The following FLNA variants were observed in gnomAD, a reference collection of about 807,000 sequenced individuals.
FLNA encodes filamin A.
FLNA carries 7 observed loss-of-function variants against 157.6 expected under a neutral mutation model. That is an observed-to-expected ratio of 0.04 (90% CI 0.03 to 0.08). FLNA has a LOEUF of 0.08. FLNA is among the 10% of genes least tolerant of loss of function. The probability of loss-of-function intolerance (pLI) is 1.00; values close to 1 mark genes in which losing one functional copy is unlikely to be tolerated. For synonymous variants in FLNA, 1,103 were observed against 1,060.8 expected, an observed-to-expected ratio of 1.04 and a Z score of -0.77; for missense variants, 1,750 against 2,398.4, an observed-to-expected ratio of 0.73 and a Z score of 5.65.
intron 9 of FLNA, among the ~76,000 whole-genome samples, 196 bp downstream of exon 9, chrX:154,365,828 G>A (rs1458692343): frequency 1.8e-5 from 2 of 112,396 alleles, no homozygotes; most frequent in South Asian, 3.7e-4. Context: ...CGTGAGGAGA[G>A]AGATGGAGAG....
rs2067738118 is a variant in FLNA at position 154,364,289 on chromosome X, A to G, written c.2106T>C (p.Gly702=). Residue 702 remains glycine, a synonymous_variant, in exon 14 of 48, where the codon GGT becomes GGC. Transcript: ENST00000369850. Reference sequence around the variant, plus strand: ...CTTGGACCCGAAGTGGGGCCTTGCCACCGTGCTTGGCATCCACTGTGAACT... The same window carrying G: ...CTTGGACCCGAAGTGGGGCCTTGCCGCCGTGCTTGGCATCCACTGTGAACT... ...PAEFTVDAKH[G]GKAPLRVQVQ... is the part of the protein sequence containing the mutation. 1 of 1,209,300 alleles carries G rather than the reference A, an allele frequency of 8.3e-7. No homozygotes were observed. Among genetic ancestry groups the G allele is most frequent in the African/African-American group, 1.8e-5 (1 of 57,095 alleles).
intron 30 of FLNA, among the ~76,000 whole-genome samples, chrX:154,356,314 C>G (rs1315767800): frequency 1.8e-5 from 2 of 111,744 alleles, no homozygotes; most frequent in Non-Finnish European, 3.8e-5. Flanking sequence ...ACCCCGGGCT[C>G]CCTGTCTCCA....
chrX:154,365,599 G>A, intron 9 of FLNA, 113 bp from the exon 10 acceptor site: 1 of 931,552 alleles, frequency 1.1e-6, no homozygotes, highest in Non-Finnish European at 1.5e-6. Context: ...TTGGCTGGAG[G>A]GGGACATGCA....
intron 43 of FLNA, 71 bp downstream of exon 43, chrX:154,351,510 T>A: frequency 1.4e-6 from 1 of 728,988 alleles, no homozygotes; most frequent in Non-Finnish European, 2.2e-6. Flanking sequence ...GGCCAAGGCC[T>A]GGTCTCTGCG....
At chrX:154,349,093 C>T in intron 47 of FLNA, 57 bp from the exon 48 acceptor site, 1 of 1,097,550 alleles carries the variant, frequency 9.1e-7, no homozygotes. Context: ...CCGCTGGTGT[C>T]CTGCTCTCCT....
intron 27 of FLNA, 26 bp downstream of exon 27, chrX:154,358,419 C>T: frequency 2.5e-6 from 3 of 1,211,282 alleles, no homozygotes; most frequent in Admixed American, 2.2e-5. Flanking sequence ...GGCCACTCCC[C>T]ACAGGCAGCA....
intron 2 of FLNA, among the ~76,000 whole-genome samples, chrX:154,369,546 C>T (rs1296405207): frequency 9.1e-6 from 1 of 109,997 alleles, no homozygotes; most frequent in Non-Finnish European, 1.9e-5. Context: ...GCCAACCCCT[C>T]CCTCCCCTAA....
At position 154,362,011 on chromosome X, in the gene FLNA, T is replaced by C; in HGVS notation, c.2794A>G (p.Thr932Ala). 1 of 1,210,643 alleles carries C rather than the reference T, an allele frequency of 8.3e-7. No homozygotes were observed. Among genetic ancestry groups the C allele is most frequent in the African/African-American group, 1.7e-5 (1 of 57,496 alleles). Residue 932 changes from threonine to alanine, a missense_variant, in exon 19 of 48, where the codon ACC (threonine) becomes GCC (alanine). Thr to Ala is a moderately conservative substitution (Grantham distance 58, BLOSUM62 0). Around this residue, in one of 5 missense-constraint regions of FLNA, gnomAD observed 648 missense variants for 805.8 expected, o/e 0.80. Coordinates refer to ENST00000369850, the MANE Select transcript of FLNA (RefSeq NM_001110556.2). ...DVDIIDHHDNTYTVKYTPVQQ... is the reference protein window; with the variant it reads ...DVDIIDHHDNAYTVKYTPVQQ... The stretch of plus-strand genomic sequence containing the variant: ...ACAGGCGTGTACTTGACTGTGTAGG[T>C]GTTGTCATGGTGGTCGATGATGTCC...
Position 154,361,693 on chromosome X carries a change from A to C in FLNA, c.2921T>G (p.Ile974Ser). The C allele has an allele frequency of 8.3e-7, 1 of 1,210,300 alleles. No individual in the cohort carries two copies. The highest frequency in any genetic ancestry group is 1.1e-6 in the Non-Finnish European group (1 of 894,423). The stretch of plus-strand genomic sequence containing the variant: ...ACTCTCTCCCAGGCCAGACACCTTG[A>C]TCTTGCTGAGGTCCAGGCTTGGAGA... ...AVSPSLDLSK[I>S]KVSGLGEKVD... The change falls in exon 20 of 48, where the codon ATC (isoleucine) becomes AGC (serine). Residue 974 changes from isoleucine (I) to serine (S), a missense_variant. By Grantham distance (142) the Ile-to-Ser change is moderately radical. This residue lies in a region of FLNA where 648 missense variants were observed against 805.8 expected (regional missense o/e 0.80). Coordinates refer to ENST00000369850, the MANE Select transcript of FLNA (RefSeq NM_001110556.2).
chrX:154,356,158 C>G (rs1195976989), intron 30 of FLNA, among the ~76,000 whole-genome samples: 1 of 112,073 alleles, frequency 8.9e-6, no homozygotes, highest in African/African-American at 3.2e-5. Context: ...CACAGGTACC[C>G]GACTGCCCCC....
At position 154,359,577 on chromosome X, in the gene FLNA, G is replaced by A; in HGVS notation, c.4049C>T (p.Thr1350Ile). The A allele has an allele frequency of 3.3e-6, 4 of 1,210,871 alleles. No homozygotes were observed. Among genetic ancestry groups the A allele is most frequent in the Non-Finnish European group, 4.5e-6 (4 of 895,210 alleles). Residue 1350 changes from threonine (T) to isoleucine (I), a missense_variant, in exon 24 of 48, where the codon ACC becomes ATC. Physicochemically the swap from Thr to Ile is moderately conservative, Grantham distance 89 (BLOSUM62 -1). This residue lies in a region of FLNA where 970 missense variants were observed against 1,302.6 expected (regional missense o/e 0.74). Coordinates refer to ENST00000369850, the MANE Select transcript of FLNA (RefSeq NM_001110556.2). ...CACCCGGGAGGGGTCGCAGCCCTCG[G>A]TCACGGGCACCTGGAAGGGGCTGCT... Reference protein sequence around the residue: ...VPSSPFQVPVTEGCDPSRVRV... With the variant: ...VPSSPFQVPVIEGCDPSRVRV...
chrX:154,350,355 G>A (rs1487112625), intron 44 of FLNA, 148 bp from the exon 45 acceptor site: 9 of 511,604 alleles, frequency 1.8e-5, no homozygotes, highest in Non-Finnish European at 2.7e-5. Context: ...GCACCCCGCA[G>A]CAGACCTCCT....
chrX:154,362,713 G>C lies in FLNA; in HGVS notation c.2352C>G (p.Leu784=). Reference sequence around the variant, plus strand: ...TGAAGTAGGTGGGCTCGTGGGCCTTGAGCCCTGTCTTGGCTACTCCGGGGC... The same window carrying C: ...TGAAGTAGGTGGGCTCGTGGGCCTTCAGCCCTGTCTTGGCTACTCCGGGGC... The part of the protein sequence containing the change: ...VYGPGVAKTG[L]KAHEPTYFTV... The change falls in exon 16 of 48, where the codon CTC becomes CTG. Residue 784 remains leucine (L), a synonymous_variant. Coordinates refer to ENST00000369850, the MANE Select transcript of FLNA (RefSeq NM_001110556.2). 8.3e-7 allele frequency: 1 copy of C among 1,210,399 alleles called. No homozygotes were observed. The highest frequency in any genetic ancestry group is 1.1e-6 in the Non-Finnish European group (1 of 894,966).
rs2067636406 is a variant in FLNA, at chrX:154,353,311, G to A, written c.6007C>T (p.Arg2003Cys). ...REEPCLLKRL[R>C]NGHVGISFVP... ...AGCCGCTTACCCACGTGGCCATTAC[G>A]CAGCCGCTTCAGCAAACAGGGCTCC... is the stretch of plus-strand genomic sequence containing the variant. The change falls in exon 37 of 48, where the codon CGT (arginine) becomes TGT (cysteine). Residue 2003 changes from arginine (R) to cysteine (C), a missense_variant. By Grantham distance (180) the Arg-to-Cys change is radical. This residue lies in a region of FLNA where 970 missense variants were observed against 1,302.6 expected (regional missense o/e 0.74). Transcript: ENST00000369850. 8 of 1,210,676 alleles carry A rather than the reference G, an allele frequency of 6.6e-6. No homozygotes were observed. Among genetic ancestry groups the A allele is most frequent in the Admixed American group, 4.3e-5 (2 of 46,001 alleles).
chrX:154,353,121 G>T lies in FLNA; in HGVS notation c.6106C>A (p.Pro2036Thr). ...NGQHVASSPI[P>T]VVISQSEIGD... ...ATTTCCGACTGGCTGATCACCACCG[G>T]GATGGGGCTGCTGGCCACGTGCTGG... is the stretch of plus-strand genomic sequence containing the variant. Residue 2036 changes from proline to threonine, a missense_variant, in exon 38 of 48, where the codon CCG (proline) becomes ACG (threonine). Pro to Thr is a conservative substitution (Grantham distance 38). Coordinates refer to ENST00000369850, the MANE Select transcript of FLNA (RefSeq NM_001110556.2). The T allele has an allele frequency of 8.3e-7, 1 of 1,211,261 alleles. No homozygotes were observed. The highest frequency in any genetic ancestry group is 1.1e-6 in the Non-Finnish European group (1 of 895,312).
Position 154,360,147 on chromosome X carries a change from C to T in FLNA, c.3648G>A (p.Thr1216=), listed in dbSNP as rs782800077. 13 of 1,209,487 alleles carry T rather than the reference C, an allele frequency of 1.1e-5. No individual in the cohort carries two copies. Among genetic ancestry groups the T allele is most frequent in the African/African-American group, 6.9e-5 (4 of 57,956 alleles). Reference sequence around the variant, plus strand: ...AGAGGGGAATGTAGGTAATGGTGTGCGTGCCATCACCGTGGTCCTGGATGT... The same window carrying T: ...AGAGGGGAATGTAGGTAATGGTGTGTGTGCCATCACCGTGGTCCTGGATGT... The part of the protein sequence containing the change: ...EVYIQDHGDG[T]HTITYIPLCP... The change falls in exon 22 of 48, where the codon ACG becomes ACA. Residue 1216 remains threonine (T), a synonymous_variant. Coordinates refer to ENST00000369850, the MANE Select transcript of FLNA (RefSeq NM_001110556.2).
At position 154,371,184 on chromosome X, in the gene FLNA, ACGC is replaced by A; in HGVS notation, c.59_61del (p.Gly20del). The A allele has an allele frequency of 8.4e-7, 1 of 1,193,454 alleles. No homozygotes were observed. Among genetic ancestry groups the A allele is most frequent in the Non-Finnish European group, 1.1e-6 (1 of 887,361 alleles). On this transcript the variant is annotated inframe_deletion, in exon 2 of 48. Coordinates refer to ENST00000369850, the MANE Select transcript of FLNA (RefSeq NM_001110556.2). The stretch of plus-strand genomic sequence containing the variant: ...CGGCATCTCGGCGTCCCGCGTGTCG[ACGC>A]CGCCGCCCGGAGCCGCGCCTGCTGC...
At chrX:154,351,475 G>A (rs2067618577) in intron 43 of FLNA, 106 bp downstream of exon 43, 1 of 556,253 alleles carries the variant, frequency 1.8e-6, no homozygotes, top group Non-Finnish European at 3.1e-6. Context: ...ACCCAGAGCT[G>A]GGCCAGGGGG....
chrX:154,351,849 C>T (rs1557175862), intron 42 of FLNA, 35 bp downstream of exon 42: 1 of 1,208,148 alleles, frequency 8.3e-7, no homozygotes. Context: ...ACACTCAGGC[C>T]CCACCTCCTC....
Sources: allele counts gnomAD v4.1 joint callset (sites outside exome capture counted in the v4.1 genomes callset), GRCh38; gene constraint gnomAD v4.1.1; regional missense constraint gnomAD v4.1.1; transcripts MANE v1.5; gene names NCBI Gene and HGNC (gene_info 2026-07-23, HGNC 2026-07-21).